Variants in PPP1R37 observed in about 807,000 individuals in gnomAD.
PPP1R37 encodes protein phosphatase 1 regulatory subunit 37.
Under a neutral mutation model 61.0 loss-of-function variants are expected in PPP1R37, and 21 were observed. The ratio of observed to expected loss-of-function variants is 0.34; its 90% CI spans 0.24 to 0.50. The LOEUF (loss-of-function observed/expected upper bound fraction) is 0.50, where lower values mean the gene tolerates loss of function less well. Among genes scored for constraint, PPP1R37 ranks in the 20% least tolerant of loss-of-function variants. The probability of loss-of-function intolerance (pLI) is 0.98; values close to 1 mark genes in which losing one functional copy is unlikely to be tolerated. For synonymous variants in PPP1R37, 443 were observed against 433.5 expected, an observed-to-expected ratio of 1.02 and a Z score of -0.27; for missense variants, 910 against 952.7, an observed-to-expected ratio of 0.96 and a Z score of 0.59.
intron 1 of PPP1R37, among the ~76,000 whole-genome samples, chr19:45,100,859 C>T (rs191386167): frequency 2.6e-3 from 393 of 152,324 alleles, no homozygotes; most frequent in Non-Finnish European, 4.3e-3. Context: ...TGTGCTGCTC[C>T]TCTGTCCTCA....
At chr19:45,096,637 G>A (rs1967996934) in intron 1 of PPP1R37, among the ~76,000 whole-genome samples, 1 of 152,192 alleles carries the variant, frequency 6.6e-6, no homozygotes, top group South Asian at 2.1e-4. Context: ...GGGGCAGTTG[G>A]AGCCTGGCTG....
At position 45,146,363 on chromosome 19, in the gene PPP1R37, G is replaced by T. The variant is rs984899294; in HGVS notation, c.1994-27G>T. ...TTGTATTTGCCCCACCCGCCTGACG[G>T]GGGTGCTGGCCCGTCCTCCCACACA... On this transcript the variant is annotated intron_variant, in intron 11 of 12. Coordinates refer to ENST00000221462, the MANE Select transcript of PPP1R37 (RefSeq NM_019121.2). 28 of 1,531,084 alleles carry T rather than the reference G, an allele frequency of 1.8e-5. 1 individual carries two copies. The Admixed American group carries it at 2.2e-4, about 12-fold the overall frequency. 94.8% of individuals were successfully genotyped at this position (1,531,084 alleles called of 1,614,324 possible). A position where few individuals can be genotyped will look rare whatever the true frequency, so the allele number is the denominator to read the frequency against.
intron 1 of PPP1R37, among the ~76,000 whole-genome samples, chr19:45,120,759 C>T (rs1968332349): frequency 6.6e-6 from 1 of 152,110 alleles, no homozygotes; most frequent in African/African-American, 2.4e-5. Context: ...ATTATAGGCA[C>T]CCGCTACCAC....
At chr19:45,114,072 A>G (rs1414333790) in intron 1 of PPP1R37, among the ~76,000 whole-genome samples, 6 of 152,238 alleles carry the variant, frequency 3.9e-5, no homozygotes, top group African/African-American at 1.4e-4. Flanking sequence ...GCTTTACACA[A>G]GAGAGTTCAG....
At chr19:45,099,592 C>A (rs59928617) in intron 1 of PPP1R37, among the ~76,000 whole-genome samples, 14,960 of 152,266 alleles carry the variant, frequency 0.098, 821 homozygotes, top group Middle Eastern at 0.18. Flanking sequence ...CACACTGTGA[C>A]TCGCCGCTCT....
Position 45,093,517 on chromosome 19 carries a change from C to G in PPP1R37, c.192C>G (p.Pro64=). The change falls in exon 1 of 13, where the codon CCC becomes CCG. Residue 64 remains proline, a synonymous_variant. Coordinates refer to ENST00000221462, the MANE Select transcript of PPP1R37 (RefSeq NM_019121.2). The part of the protein sequence containing the change: ...IVSGAVEPKD[P]WRHAQNVTVD... Reference sequence around the variant, plus strand: ...CTGGAGCAGTGGAGCCCAAAGACCCCTGGAGACATGGTAGCTACCGCGGGT... The same window carrying G: ...CTGGAGCAGTGGAGCCCAAAGACCCGTGGAGACATGGTAGCTACCGCGGGT... The G allele has an allele frequency of 6.5e-7, 1 of 1,534,592 alleles. No homozygotes were observed. The highest frequency in any genetic ancestry group is 8.7e-7 in the Non-Finnish European group (1 of 1,146,028).
chr19:45,137,373 A>G (rs1968552000), intron 1 of PPP1R37, among the ~76,000 whole-genome samples: 1 of 152,280 alleles, frequency 6.6e-6, no homozygotes, highest in South Asian at 2.1e-4. Flanking sequence ...AGCCAACCGC[A>G]GAAGGCCACA....
At chr19:45,095,754 G>A (rs916033156) in intron 1 of PPP1R37, among the ~76,000 whole-genome samples, 78 of 133,328 alleles carry the variant, frequency 5.9e-4, no homozygotes, top group Admixed American at 1.6e-3. Context: ...CAGAGACCCG[G>A]TCTTAAAAAA....
At chr19:45,110,662 T>C (rs1968188860) in intron 1 of PPP1R37, among the ~76,000 whole-genome samples, 1 of 152,166 alleles carries the variant, frequency 6.6e-6, no homozygotes, top group Non-Finnish European at 1.5e-5. Context: ...GCATAAAGAA[T>C]GAATGAATGA....
Position 45,132,715 on chromosome 19 carries a change from C to T in PPP1R37, c.203-5799C>T, listed in dbSNP as rs543679748. 3.0e-4 allele frequency among the ~76,000 whole-genome samples: 45 copies of T among 151,926 alleles called. 1 individual carries two copies. In the South Asian group the frequency reaches 7.5e-3, roughly 25 times the overall value. ...TCCCAAGTAGCTGGGACTACAGGCA[C>T]GCACCACCATGCCCAACTGATTTTT... On this transcript the variant is annotated intron_variant, in intron 1 of 12. Coordinates refer to ENST00000221462, the MANE Select transcript of PPP1R37 (RefSeq NM_019121.2).
intron 1 of PPP1R37, among the ~76,000 whole-genome samples, chr19:45,135,704 T>C (rs1050062500): frequency 1.4e-4 from 21 of 151,884 alleles, no homozygotes; most frequent in Non-Finnish European, 1.5e-5. Flanking sequence ...TGGCACGAAG[T>C]CCGTGGGCAG....
chr19:45,128,856 G>A (rs1219521946), intron 1 of PPP1R37: 1 of 630,522 alleles, frequency 1.6e-6, no homozygotes. Context: ...CATCCAGGAA[G>A]GTACCCCTCA....
chr19:45,105,032 G>T (rs1035036158), intron 1 of PPP1R37, among the ~76,000 whole-genome samples: 1 of 152,244 alleles, frequency 6.6e-6, no homozygotes, highest in Non-Finnish European at 1.5e-5. Context: ...TCACTAGGCA[G>T]TGGTGGGTTG....
rs528861836 is a variant in PPP1R37 at position 45,134,830 on chromosome 19, C to T, written c.203-3684C>T. Among the ~76,000 whole-genome samples, 5 of 152,258 alleles carry T rather than the reference C, an allele frequency of 3.3e-5. No homozygotes were observed. In the South Asian group the frequency reaches 8.3e-4, roughly 25 times the overall value. On this transcript the variant is annotated intron_variant, in intron 1 of 12. Coordinates refer to ENST00000221462, the MANE Select transcript of PPP1R37 (RefSeq NM_019121.2). Reference sequence around the variant, plus strand: ...ACTCTGGTGGTGACTCCTGCAAGGCCGGACCTGGTTCCAGACCCTGTAGGT... The same window carrying T: ...ACTCTGGTGGTGACTCCTGCAAGGCTGGACCTGGTTCCAGACCCTGTAGGT...
chr19:45,141,484 C>T, intron 5 of PPP1R37, 43 bp downstream of exon 5: 7 of 751,644 alleles, frequency 9.3e-6, no homozygotes, highest in Non-Finnish European at 1.3e-5. Flanking sequence ...CTCAGGCTCC[C>T]AGCACGGGGA....
chr19:45,095,503 C>T (rs1967981047), intron 1 of PPP1R37, among the ~76,000 whole-genome samples: 1 of 150,008 alleles, frequency 6.7e-6, no homozygotes. Flanking sequence ...TGGTTCATGC[C>T]TGCAACCCCA....
At chr19:45,096,189 A>T (rs891682602) in intron 1 of PPP1R37, among the ~76,000 whole-genome samples, 3 of 152,036 alleles carry the variant, frequency 2.0e-5, no homozygotes, top group African/African-American at 7.3e-5. Context: ...TGGGGCCTGG[A>T]TGTGGCTGCT....
At chr19:45,118,793 C>T (rs1389660706) in intron 1 of PPP1R37, among the ~76,000 whole-genome samples, 1 of 152,110 alleles carries the variant, frequency 6.6e-6, no homozygotes, top group East Asian at 1.9e-4. Flanking sequence ...TCACTGAGCA[C>T]CTGCTGGCCG....
chr19:45,146,099 G>GA, intron 11 of PPP1R37, 50 bp downstream of exon 11: 1 of 1,458,434 alleles, frequency 6.9e-7, no homozygotes. Context: ...TGCTGTATGT[G>GA]ACCCCAGGCA....
Sources: gnomAD v4.1 joint callset for allele counts (sites outside exome capture counted in the v4.1 genomes callset) on GRCh38, gnomAD v4.1.1 for gene constraint, MANE v1.5 for transcripts, NCBI Gene and HGNC (gene_info 2026-07-23, HGNC 2026-07-21) for gene names.